Variants in LRP1B observed in about 807,000 individuals in gnomAD.
The protein encoded by LRP1B is LDL receptor related protein 1B.
Under a neutral mutation model 556.6 loss-of-function variants are expected in LRP1B, and 217 were observed. The observed-to-expected ratio is 0.39, with a 90% confidence interval of 0.35 to 0.44. The LOEUF (loss-of-function observed/expected upper bound fraction) is 0.44. Among genes scored for constraint, LRP1B ranks in the 20% least tolerant of loss-of-function variants. LRP1B has a pLI of 1.00. For missense variants in LRP1B, 5,053 were observed against 5,620.8 expected, an observed-to-expected ratio of 0.90 and a Z score of 3.23; for synonymous variants, 2,047 against 1,865.8, an observed-to-expected ratio of 1.10 and a Z score of -2.50.
chr2:141,000,767 C>G (rs1697395980), intron 15 of LRP1B, among the ~76,000 whole-genome samples: 1 of 151,986 alleles, frequency 6.6e-6, no homozygotes, highest in South Asian at 2.1e-4. Context: ...GATTTTACTT[C>G]CTAAGTTTTT....
chr2:140,649,663 C>G (rs897225138), intron 41 of LRP1B, among the ~76,000 whole-genome samples: 1 of 152,172 alleles, frequency 6.6e-6, no homozygotes, highest in Admixed American at 6.5e-5. Context: ...AGCTTTAAAC[C>G]ACATAGTTTG....
At chr2:141,428,043 C>T (rs1222137130) in intron 3 of LRP1B, among the ~76,000 whole-genome samples, 1 of 152,134 alleles carries the variant, frequency 6.6e-6, no homozygotes, top group African/African-American at 2.4e-5. Flanking sequence ...GGATGTTATC[C>T]CTTAAATAAC....
intron 2 of LRP1B, among the ~76,000 whole-genome samples, chr2:141,685,677 T>C (rs1209292254): frequency 6.6e-6 from 1 of 152,086 alleles, no homozygotes; most frequent in Non-Finnish European, 1.5e-5. Flanking sequence ...AGAGAAGCAA[T>C]GTGATGACAG....
At chr2:140,555,476 T>C (rs899665968) in intron 43 of LRP1B, among the ~76,000 whole-genome samples, 1 of 152,072 alleles carries the variant, frequency 6.6e-6, no homozygotes. Context: ...TAATTGTGTT[T>C]GTCATAAGAT....
chr2:141,485,152 G>A (rs149730633), intron 2 of LRP1B, among the ~76,000 whole-genome samples: 6 of 152,248 alleles, frequency 3.9e-5, no homozygotes, highest in African/African-American at 1.2e-4. Flanking sequence ...TAGTCTGGGA[G>A]AACTAAAGAG....
chr2:141,833,996 G>A (rs1043598863), intron 1 of LRP1B, among the ~76,000 whole-genome samples: 1 of 148,986 alleles, frequency 6.7e-6, no homozygotes, highest in South Asian at 2.1e-4. Flanking sequence ...ATTGCAGAAA[G>A]AAGAAACAGT....
intron 86 of LRP1B, among the ~76,000 whole-genome samples, chr2:140,264,799 A>G (rs753189137): frequency 7.9e-5 from 12 of 151,810 alleles, no homozygotes; most frequent in Non-Finnish European, 1.6e-4. Context: ...GTCCAATTCA[A>G]TCAATATTTA....
At chr2:141,246,167 G>A (rs1041785696) in intron 5 of LRP1B, among the ~76,000 whole-genome samples, 4 of 152,188 alleles carry the variant, frequency 2.6e-5, no homozygotes, top group African/African-American at 9.7e-5. Flanking sequence ...ACTTGGTGAT[G>A]TAGAGGGTAT....
chr2:140,547,387 T>C (rs954175864), intron 43 of LRP1B, among the ~76,000 whole-genome samples: 2 of 152,024 alleles, frequency 1.3e-5, no homozygotes, highest in Non-Finnish European at 2.9e-5. Context: ...CTTGGGAGGG[T>C]ATATGTGTCC....
chr2:140,242,894 G>C (rs1681011669), intron 87 of LRP1B, among the ~76,000 whole-genome samples: 1 of 151,132 alleles, frequency 6.6e-6, no homozygotes, highest in Admixed American at 6.6e-5. Flanking sequence ...TGATGTTGAA[G>C]AAAATTTAGG....
intron 76 of LRP1B, among the ~76,000 whole-genome samples, chr2:140,351,454 TAAGA>T (rs35980498): frequency 0.074 from 11,239 of 152,102 alleles, 455 homozygotes; most frequent in Middle Eastern, 0.14. Flanking sequence ...TACTTTAGGC[TAAGA>T]AATAAAAATT....
intron 2 of LRP1B, among the ~76,000 whole-genome samples, chr2:141,576,368 G>A (rs978481079): frequency 2.7e-4 from 41 of 152,082 alleles, no homozygotes; most frequent in Non-Finnish European, 1.0e-4. Flanking sequence ...CAAACACTGC[G>A]TGTTCTCACT....
In LRP1B at chr2:141,321,300, A is replaced by G. The variant is rs372632181; in HGVS notation, c.344-66659T>C. The stretch of plus-strand genomic sequence containing the variant: ...AACAAACAAACAAACATTGGCTTGT[A>G]AAACTAAAAAGTAAAGAAATCAGGC... On this transcript the variant is annotated intron_variant, in intron 3 of 90. Transcript: ENST00000389484. 4.6e-5 allele frequency among the ~76,000 whole-genome samples: 7 copies of G among 152,254 alleles called. No individual in the cohort carries two copies. In the South Asian group the frequency reaches 1.0e-3, roughly 23 times the overall value.
chr2:140,341,199 CGTGT>C (rs1294143318), intron 77 of LRP1B, among the ~76,000 whole-genome samples: 1 of 151,608 alleles, frequency 6.6e-6, no homozygotes, highest in Non-Finnish European at 1.5e-5. Context: ...ATTATGAATA[CGTGT>C]GTGTGCACAC....
intron 3 of LRP1B, among the ~76,000 whole-genome samples, chr2:141,329,221 C>T (rs1263766046): frequency 6.6e-6 from 1 of 151,570 alleles, no homozygotes; most frequent in Non-Finnish European, 1.5e-5. Context: ...AACCCTGTCT[C>T]CACTAAAATT....
chr2:142,122,965 G>T (rs1268683581), intron 1 of LRP1B, among the ~76,000 whole-genome samples: 3 of 151,952 alleles, frequency 2.0e-5, no homozygotes, highest in Non-Finnish European at 2.9e-5. Flanking sequence ...AAAAGTTTAA[G>T]GTTCTAATTA....
chr2:141,304,363 G>A (rs569742795), intron 3 of LRP1B, among the ~76,000 whole-genome samples: 17 of 151,358 alleles, frequency 1.1e-4, no homozygotes, highest in East Asian at 1.9e-4. Flanking sequence ...AAGTCTTACC[G>A]TTAAATTTTC....
chr2:141,994,463 T>G (rs1702432284), intron 1 of LRP1B, among the ~76,000 whole-genome samples: 1 of 152,186 alleles, frequency 6.6e-6, no homozygotes, highest in Non-Finnish European at 1.5e-5. Flanking sequence ...ACAAAATATT[T>G]TCATGCATTA....
intron 41 of LRP1B, among the ~76,000 whole-genome samples, chr2:140,691,429 T>C (rs1292028822): frequency 6.9e-6 from 1 of 145,728 alleles, no homozygotes; most frequent in African/African-American, 2.6e-5. Flanking sequence ...CAAGCCAACA[T>C]CATGCAATCC....
Sources: gnomAD v4.1 joint callset for allele counts (sites outside exome capture counted in the v4.1 genomes callset) on GRCh38, gnomAD v4.1.1 for gene constraint, MANE v1.5 for transcripts, NCBI Gene and HGNC (gene_info 2026-07-23, HGNC 2026-07-21) for gene names.